PKD1L3: variants seen among roughly 807,000 people sequenced by gnomAD.
The protein encoded by PKD1L3 is polycystin 1 like 3, transient receptor potential channel interacting.
In PKD1L3, 239 loss-of-function variants were observed where a neutral mutation model predicts 184.1. That is an observed-to-expected ratio of 1.30 (90% CI 1.17 to 1.45). The LOEUF (loss-of-function observed/expected upper bound fraction) is 1.45, where lower values mean the gene tolerates loss of function less well. Ranked by LOEUF, PKD1L3 falls within the 40% of genes most tolerant of loss-of-function variation. The probability of loss-of-function intolerance (pLI) is 0.00; values close to 1 mark genes in which losing one functional copy is unlikely to be tolerated. For synonymous variants in PKD1L3, 996 were observed against 778.8 expected, an observed-to-expected ratio of 1.28 and a Z score of -4.64; for missense variants, 2,660 against 2,067.2, an observed-to-expected ratio of 1.29 and a Z score of -5.56.
chr16:71,944,201 A>G (rs1250239094), intron 22 of PKD1L3, 31 bp from the exon 23 acceptor site: 2 of 1,525,086 alleles, frequency 1.3e-6, no homozygotes, highest in East Asian at 2.5e-5. Context: ...GACCAAAGAA[A>G]TGTTATATTT....
chr16:71,940,499 ATTTTT>A (rs150640830), intron 24 of PKD1L3, among the ~76,000 whole-genome samples: 1 of 149,692 alleles, frequency 6.7e-6, no homozygotes, highest in Non-Finnish European at 1.5e-5. Flanking sequence ...TTTGTTTTTT[ATTTTT>A]TTTTTATTTT....
At chr16:71,943,114 TATGC>T in intron 23 of PKD1L3, 90 bp from the exon 24 acceptor site, 5 of 1,083,656 alleles carry the variant, frequency 4.6e-6, no homozygotes, top group Non-Finnish European at 6.6e-6. Context: ...TCTATAGACT[TATGC>T]AGGTCAAAAC....
At chr16:71,933,584 C>T in intron 27 of PKD1L3, 63 bp from the exon 28 acceptor site, 1 of 1,236,080 alleles carries the variant, frequency 8.1e-7, no homozygotes. Context: ...TCCTGAGGTG[C>T]TTGGGGATGT....
chr16:71,991,770 CAATT>C (rs2143853650), intron 3 of PKD1L3, among the ~76,000 whole-genome samples: 1 of 152,230 alleles, frequency 6.6e-6, no homozygotes, highest in East Asian at 1.9e-4. Flanking sequence ...GTTCTAAGCA[CAATT>C]AGTGAAAAGT....
In PKD1L3 at chr16:71,943,555, A is replaced by AAC. The variant is rs1555514258; in HGVS notation, c.3859+474_3859+475insGT. On this transcript the variant is annotated intron_variant, in intron 23 of 29. Coordinates refer to ENST00000620267, the MANE Select transcript of PKD1L3 (RefSeq NM_181536.2). ...TCCGTCTCAAAAAAAAAAAAAAAAA[A>AAC]AAACATAAAATCCCGCACAAGAAAT... 3.3e-5 allele frequency among the ~76,000 whole-genome samples: 5 copies of AAC among 151,666 alleles called. No homozygotes were observed. In the East Asian group the frequency reaches 7.8e-4, roughly 24 times the overall value.
intron 12 of PKD1L3, among the ~76,000 whole-genome samples, chr16:71,970,458 T>C (rs1191037841): frequency 6.6e-6 from 1 of 152,198 alleles, no homozygotes; most frequent in African/African-American, 2.4e-5. Context: ...AACATACAAA[T>C]GAACAAGTAC....
chr16:71,940,176 G>A (rs1179794033), intron 24 of PKD1L3, among the ~76,000 whole-genome samples: 3 of 151,980 alleles, frequency 2.0e-5, no homozygotes, highest in Admixed American at 6.6e-5. Flanking sequence ...TTCACAACCA[G>A]GTATTTGCTA....
At chr16:71,987,073 C>T (rs923998566) in intron 4 of PKD1L3, among the ~76,000 whole-genome samples, 1 of 151,292 alleles carries the variant, frequency 6.6e-6, no homozygotes, top group East Asian at 2.0e-4. Context: ...TACAGGCGTG[C>T]ACCACCATGC....
rs1399618908 is a variant in PKD1L3, at chr16:71,978,536, TACATAC to T, written c.1399-159_1399-154del. Among the ~76,000 whole-genome samples the T allele has an allele frequency of 7.5e-3, 777 of 103,780 alleles. 11 individuals are homozygous for T. The highest frequency in any genetic ancestry group is 0.034 in the African/African-American group (711 of 20,922). 68.1% of individuals were successfully genotyped at this position (103,780 alleles called of 152,430 possible). A position where few individuals can be genotyped will look rare whatever the true frequency, so the allele number is the denominator to read the frequency against. Reference sequence around the variant, plus strand: ...ATATATATATACATACATACATACATACATACTTTTTTTTTTTTTTTGAGAAAGAGT... The same window carrying T: ...ATATATATATACATACATACATACATTTTTTTTTTTTTTTTGAGAAAGAGT... On this transcript the variant is annotated intron_variant, in intron 9 of 29. Coordinates refer to ENST00000620267, the MANE Select transcript of PKD1L3 (RefSeq NM_181536.2).
At chr16:71,965,951 C>T (rs1435600677) in intron 15 of PKD1L3, among the ~76,000 whole-genome samples, 3 of 152,096 alleles carry the variant, frequency 2.0e-5, no homozygotes, top group Non-Finnish European at 4.4e-5. Context: ...TTTTCAAGTG[C>T]TTACTATACA....
At chr16:71,987,112 A>G (rs1486030605) in intron 4 of PKD1L3, among the ~76,000 whole-genome samples, 2 of 148,970 alleles carry the variant, frequency 1.3e-5, no homozygotes, top group Admixed American at 1.4e-4. Flanking sequence ...TTTAGTAGAG[A>G]TGGGGTTTCA....
chr16:71,929,910 T>C, intron 29 of PKD1L3, 142 bp downstream of exon 29: 4 of 1,147,122 alleles, frequency 3.5e-6, no homozygotes, highest in Non-Finnish European at 4.8e-6. Context: ...CCTAGGAAGA[T>C]AGCTGGCAGA....
chr16:71,976,501 CCCGCCTCAGCCTCCCAAA>C (rs944937748), intron 11 of PKD1L3, among the ~76,000 whole-genome samples: 6 of 152,108 alleles, frequency 3.9e-5, no homozygotes, highest in African/African-American at 1.4e-4. Flanking sequence ...AGGTGATCCA[CCCGCCTCAGCCTCCCAAA>C]GTGCTGGGGT....
chr16:71,957,959 T>C (rs937042240), intron 16 of PKD1L3, among the ~76,000 whole-genome samples: 7 of 152,246 alleles, frequency 4.6e-5, no homozygotes, highest in Admixed American at 6.5e-5. Context: ...GCCAGCCATA[T>C]AGCTGTCACA....
At chr16:71,987,848 T>C (rs1013580375) in intron 4 of PKD1L3, among the ~76,000 whole-genome samples, 6 of 152,086 alleles carry the variant, frequency 3.9e-5, no homozygotes, top group African/African-American at 7.2e-5. Context: ...GAGAGAGCTC[T>C]GCCCATAGGT....
intron 14 of PKD1L3, 89 bp downstream of exon 14, chr16:71,967,817 G>A (rs555577370): frequency 1.9e-6 from 2 of 1,057,706 alleles, no homozygotes; most frequent in Admixed American, 2.2e-5. Context: ...CTTTTAAAGT[G>A]CTATTGGTTG....
intron 15 of PKD1L3, among the ~76,000 whole-genome samples, chr16:71,963,708 G>A (rs1214154143): frequency 1.3e-5 from 2 of 152,258 alleles, no homozygotes; most frequent in East Asian, 3.9e-4. Context: ...GTTTGAGCCC[G>A]GGAGGTCAAG....
chr16:71,988,781 T>A (rs932739865), intron 4 of PKD1L3, among the ~76,000 whole-genome samples: 2 of 151,972 alleles, frequency 1.3e-5, no homozygotes, highest in Non-Finnish European at 2.9e-5. Flanking sequence ...GGAGCCCTCA[T>A]AAAAAAAATG....
In PKD1L3 at chr16:71,937,318, G is replaced by A. The variant is rs1226655323; in HGVS notation, c.4426C>T (p.Leu1476=). The change falls in exon 25 of 30, where the codon CTG becomes TTG. Residue 1476 remains leucine, a synonymous_variant. Coordinates refer to ENST00000620267, the MANE Select transcript of PKD1L3 (RefSeq NM_181536.2). ...SIISQVIYYL[L]VCYYAFIQGC... ...TGTATGAAGGCATAGTAACAGACCA[G>A]TAGATAATAGATGACTTGTGAGATG... The A allele has an allele frequency of 1.7e-5, 26 of 1,551,440 alleles. No individual in the cohort carries two copies. The highest frequency in any genetic ancestry group is 2.2e-5 in the Non-Finnish European group (25 of 1,146,934).
Sources: gnomAD v4.1 joint callset for allele counts (sites outside exome capture counted in the v4.1 genomes callset) on GRCh38, gnomAD v4.1.1 for gene constraint, MANE v1.5 for transcripts, NCBI Gene and HGNC (gene_info 2026-07-23, HGNC 2026-07-21) for gene names.